The following ARHGAP20 variants were observed in gnomAD, a reference collection of about 807,000 sequenced individuals.
ARHGAP20 encodes Rho GTPase activating protein 20, also known as rho GTPase-activating protein 20.
In ARHGAP20, 34 loss-of-function variants were observed where a neutral mutation model predicts 73.7. The observed-to-expected ratio is 0.46, with a 90% CI of 0.35 to 0.61. ARHGAP20 has a LOEUF of 0.61. ARHGAP20 is among the 20% of genes least tolerant of loss of function. The pLI, the probability that ARHGAP20 is intolerant of heterozygous loss-of-function variation, is 0.00. For synonymous variants in ARHGAP20, 523 were observed against 518.2 expected, an observed-to-expected ratio of 1.01 and a Z score of -0.13; for missense variants, 1,314 against 1,420.9, an observed-to-expected ratio of 0.92 and a Z score of 1.21.
chr11:110,624,602 C>G (rs1948697490), intron 3 of ARHGAP20, among the ~76,000 whole-genome samples: 1 of 151,186 alleles, frequency 6.6e-6, no homozygotes, highest in Non-Finnish European at 1.5e-5. Context: ...TGCAACAAAC[C>G]TGCACATTCT....
At chr11:110,682,027 A>T (rs1950046829) in intron 2 of ARHGAP20, among the ~76,000 whole-genome samples, 1 of 152,232 alleles carries the variant, frequency 6.6e-6, no homozygotes, top group Admixed American at 6.5e-5. Flanking sequence ...GGGAGAACTC[A>T]AAAGTTGTCA....
chr11:110,580,668 T>C lies in ARHGAP20; in HGVS notation c.2278A>G (p.Ser760Gly). Residue 760 changes from serine to glycine, a missense_variant, in exon 15 of 15, where the codon AGT (serine) becomes GGT (glycine). By Grantham distance (56) the Ser-to-Gly change is moderately conservative (BLOSUM62 0). Coordinates refer to ENST00000683387, the MANE Select transcript of ARHGAP20 (RefSeq NM_001384657.1). ...QEEGKTCFKQ[S>G]LVTGTDVSKK... ...CTGACATCAGTGCCTGTGACTAAAC[T>C]CTGTTTAAAACATGTCTTTCCTTCC... The C allele has an allele frequency of 1.2e-6, 2 of 1,614,156 alleles. No individual in the cohort carries two copies. Among genetic ancestry groups the C allele is most frequent in the South Asian group, 1.1e-5 (1 of 91,078 alleles).
intron 1 of ARHGAP20, among the ~76,000 whole-genome samples, chr11:110,698,453 A>T (rs1399758976): frequency 6.6e-6 from 1 of 151,658 alleles, no homozygotes; most frequent in Non-Finnish European, 1.5e-5. Flanking sequence ...TTAGGAAATA[A>T]TCCCTCCTCA....
chr11:110,618,256 C>T (rs1948530070), intron 4 of ARHGAP20, among the ~76,000 whole-genome samples: 1 of 152,150 alleles, frequency 6.6e-6, no homozygotes, highest in Non-Finnish European at 1.5e-5. Context: ...CTAGTTCTAC[C>T]TTACAAAAAC....
chr11:110,651,747 CA>C (rs71476092), intron 2 of ARHGAP20, among the ~76,000 whole-genome samples: 33,547 of 136,020 alleles, frequency 0.25, 3,683 homozygotes, highest in South Asian at 0.34. Flanking sequence ...GCCTACCAAC[CA>C]AAAAAAAAAA....
chr11:110,577,290 AT>A lies in ARHGAP20; in HGVS notation c.*2079del, dbSNP rs2134761246. 7.3e-7 allele frequency: 1 copy of A among 1,373,074 alleles called. No homozygotes were observed. Among genetic ancestry groups the A allele is most frequent in the East Asian group, 2.7e-5 (1 of 37,176 alleles). The allele number at this position is 1,373,074 out of a possible 1,614,324, so 85.1% of individuals were successfully genotyped here. Reference sequence around the variant, plus strand: ...GATTGATGGAGTATAATAAAATGACATATAGTCTGTCTTCAAATCATACAAT... The same window carrying A: ...GATTGATGGAGTATAATAAAATGACAATAGTCTGTCTTCAAATCATACAAT... On this transcript the variant is annotated 3_prime_UTR_variant, in exon 15 of 15. Transcript: ENST00000683387.
In ARHGAP20 at chr11:110,601,898, GA is replaced by G. The variant is rs200268993; in HGVS notation, c.964+4662del. On this transcript the variant is annotated intron_variant, in intron 9 of 14. Coordinates refer to ENST00000683387, the MANE Select transcript of ARHGAP20 (RefSeq NM_001384657.1). The stretch of plus-strand genomic sequence containing the variant: ...CCAGCTATTCGGGAGGCTGATATAG[GA>G]GAATCGCTTGAACCTGGGTTGCAGT... 4.0e-3 allele frequency among the ~76,000 whole-genome samples: 600 copies of G among 151,878 alleles called. 5 individuals carry two copies. The highest frequency in any genetic ancestry group is 0.026 in the East Asian group (135 of 5,172).
At chr11:110,671,417 A>G (rs563713989) in intron 2 of ARHGAP20, among the ~76,000 whole-genome samples, 1 of 152,236 alleles carries the variant, frequency 6.6e-6, no homozygotes, top group East Asian at 1.9e-4. Context: ...GAAAGACTGA[A>G]TATTTCCCTA....
intron 7 of ARHGAP20, among the ~76,000 whole-genome samples, chr11:110,609,805 C>A (rs923774488): frequency 6.6e-5 from 10 of 152,082 alleles, no homozygotes; most frequent in Non-Finnish European, 1.3e-4. Flanking sequence ...CATGGCCCTG[C>A]CCTTACAATA....
chr11:110,691,951 T>C (rs1412255306), intron 1 of ARHGAP20, among the ~76,000 whole-genome samples: 1 of 152,192 alleles, frequency 6.6e-6, no homozygotes, highest in Non-Finnish European at 1.5e-5. Context: ...CAAATCAATT[T>C]CAGGCCAGGT....
chr11:110,675,726 G>A (rs1201676955), intron 2 of ARHGAP20, among the ~76,000 whole-genome samples: 3 of 152,118 alleles, frequency 2.0e-5, no homozygotes, highest in Non-Finnish European at 4.4e-5. Flanking sequence ...ATACCAGTCT[G>A]TGGCCCGGGG....
At position 110,577,243 on chromosome 11, in the gene ARHGAP20, A is replaced by G; in HGVS notation, c.*2127T>C. On this transcript the variant is annotated 3_prime_UTR_variant, in exon 15 of 15. Coordinates refer to ENST00000683387, the MANE Select transcript of ARHGAP20 (RefSeq NM_001384657.1). Reference sequence around the variant, plus strand: ...TACAAACTCAAAGCATTTTAGATAAAGCATCAGTCTAATATATTATAGATT... The same window carrying G: ...TACAAACTCAAAGCATTTTAGATAAGGCATCAGTCTAATATATTATAGATT... 1 of 1,486,070 alleles carries G rather than the reference A, an allele frequency of 6.7e-7. No individual in the cohort carries two copies. The highest frequency in any genetic ancestry group is 9.0e-7 in the Non-Finnish European group (1 of 1,116,134). 92.1% of individuals were successfully genotyped at this position (1,486,070 alleles called of 1,614,324 possible).
intron 2 of ARHGAP20, among the ~76,000 whole-genome samples, chr11:110,658,581 T>C (rs2135034479): frequency 6.6e-6 from 1 of 152,300 alleles, no homozygotes; most frequent in South Asian, 2.1e-4. Context: ...TCTGCCTCTA[T>C]GTGAGAAGGA....
chr11:110,644,545 CAG>C (rs1949145740), intron 2 of ARHGAP20, among the ~76,000 whole-genome samples: 1 of 151,824 alleles, frequency 6.6e-6, no homozygotes, highest in South Asian at 2.1e-4. Flanking sequence ...AATAAAAAAA[CAG>C]GGGAAAGACT....
intron 1 of ARHGAP20, among the ~76,000 whole-genome samples, chr11:110,701,081 T>G (rs1950440486): frequency 6.6e-6 from 1 of 151,766 alleles, no homozygotes. Context: ...GCAGCATGAT[T>G]TATAGTCCTT....
chr11:110,668,421 G>C (rs953626432), intron 2 of ARHGAP20, among the ~76,000 whole-genome samples: 1 of 152,150 alleles, frequency 6.6e-6, no homozygotes, highest in East Asian at 1.9e-4. Flanking sequence ...GGCTGAGCTG[G>C]GCAGGTTCCT....
chr11:110,617,176 G>T (rs935096446), intron 4 of ARHGAP20, among the ~76,000 whole-genome samples: 3 of 151,822 alleles, frequency 2.0e-5, no homozygotes, highest in Admixed American at 2.0e-4. Context: ...TTTTGTGTCT[G>T]GCTTCTTTCA....
rs748178488 is a variant in ARHGAP20, at chr11:110,579,765, C to T, written c.3181G>A (p.Glu1061Lys). The change falls in exon 15 of 15, where the codon GAA becomes AAA. Residue 1061 changes from glutamate (E) to lysine (K), a missense_variant. Physicochemically the swap from Glu to Lys is moderately conservative, Grantham distance 56. Transcript: ENST00000683387. ...CCTTTTGGAGAAGCTATTTTCTCTT[C>T]CTCTGGTCTGGCTGCCTTTGCTTTC... is the stretch of plus-strand genomic sequence containing the variant. ...KKKAKAARPE[E>K]EKIASPKGPL... is the part of the protein sequence containing the mutation. 53 of 1,614,010 alleles carry T rather than the reference C, an allele frequency of 3.3e-5. 1 individual carries two copies. Among genetic ancestry groups the T allele is most frequent in the South Asian group, 3.2e-4 (29 of 91,070 alleles).
Position 110,649,417 on chromosome 11 carries a change from A to T in ARHGAP20, c.189-18625T>A, listed in dbSNP as rs117745039. 3.7e-4 allele frequency among the ~76,000 whole-genome samples: 56 copies of T among 152,208 alleles called. No individual in the cohort carries two copies. In the East Asian group the frequency reaches 9.9e-3, roughly 27 times the overall value. ...CAGAAATCCTCTAAATCGATCAGGC[A>T]CAAGTTGACTGCCATCAATATGTAT... is the stretch of plus-strand genomic sequence containing the variant. On this transcript the variant is annotated intron_variant, in intron 2 of 14. Transcript: ENST00000683387.
Sources: gnomAD v4.1 joint callset for allele counts (sites outside exome capture counted in the v4.1 genomes callset) on GRCh38, gnomAD v4.1.1 for gene constraint, MANE v1.5 for transcripts, NCBI Gene and HGNC (gene_info 2026-07-23, HGNC 2026-07-21) for gene names.